The following SGSM1 variants were observed in gnomAD, a reference collection of about 807,000 sequenced individuals.
SGSM1 encodes small G protein signaling modulator 1, also known as RUN and TBC1 domain containing 2.
In SGSM1, 73 loss-of-function variants were observed where a neutral mutation model predicts 133.8. The observed-to-expected ratio is 0.55, with a 90% CI of 0.45 to 0.66. The LOEUF (loss-of-function observed/expected upper bound fraction) is 0.66. SGSM1 is among the 30% of genes least tolerant of loss of function. SGSM1 has a pLI of 0.00. For missense variants in SGSM1, 1,213 were observed against 1,448.1 expected, an observed-to-expected ratio of 0.84 and a Z score of 2.64; for synonymous variants, 563 against 573.0, an observed-to-expected ratio of 0.98 and a Z score of 0.25.
At chr22:24,824,597 C>T (rs1393991831) in intron 2 of SGSM1, among the ~76,000 whole-genome samples, 1 of 94,528 alleles carries the variant, frequency 1.1e-5, no homozygotes, top group African/African-American at 3.7e-5. Context: ...GCTGTTTCTC[C>T]CTGATACAAT....
intron 9 of SGSM1, among the ~76,000 whole-genome samples, chr22:24,861,748 G>C (rs906127939): frequency 5.3e-5 from 8 of 151,502 alleles, no homozygotes; most frequent in African/African-American, 1.7e-4. Context: ...GGGTTTCATC[G>C]TGTTGGCCAG....
At chr22:24,857,021 G>A (rs1391691042) in intron 8 of SGSM1, among the ~76,000 whole-genome samples, 1 of 151,892 alleles carries the variant, frequency 6.6e-6, no homozygotes, top group East Asian at 1.9e-4. Flanking sequence ...GCCCGCTTTG[G>A]CCTCCCAAAG....
At chr22:24,895,102 A>G (rs903104987) in intron 17 of SGSM1, 121 bp from the exon 18 acceptor site, 23 of 917,998 alleles carry the variant, frequency 2.5e-5, no homozygotes, top group East Asian at 2.4e-4. Context: ...CTGAGAGAGG[A>G]CTTGTGCAAG....
rs559936228 is a variant in SGSM1 at position 24,898,020 on chromosome 22, T to C, written c.2071T>C (p.Leu691=). The C allele has an allele frequency of 1.9e-6, 3 of 1,612,620 alleles. No individual in the cohort carries two copies. The highest frequency in any genetic ancestry group is 1.7e-6 in the Non-Finnish European group (2 of 1,179,342). ...EVEQVEAEGR[L]EEKQPKIPNG... ...GGAGCAGGTGGAGGCTGAAGGCAGA[T>C]TGGAGGAGAAACAGCCCAAGATCCC... Residue 691 remains leucine, a synonymous_variant, in exon 19 of 25, where the codon TTG becomes CTG. Coordinates refer to ENST00000400358, the MANE Select transcript of SGSM1 (RefSeq NM_001098497.3).
chr22:24,850,058 G>A (rs1930367244), intron 4 of SGSM1, among the ~76,000 whole-genome samples: 1 of 152,090 alleles, frequency 6.6e-6, no homozygotes, highest in African/African-American at 2.4e-5. Flanking sequence ...TGAGAATCTG[G>A]CTTGCCCTAG....
At chr22:24,874,365 C>T (rs776235172) in intron 12 of SGSM1, 75 of 1,551,376 alleles carry the variant, frequency 4.8e-5, no homozygotes, top group Non-Finnish European at 4.7e-5. Context: ...CAGTGTCCTG[C>T]CCACCGCAGA....
chr22:24,917,521 T>C, intron 22 of SGSM1, 137 bp from the exon 23 acceptor site: 1 of 571,282 alleles, frequency 1.8e-6, no homozygotes, highest in Non-Finnish European at 3.1e-6. Context: ...TTCAGATCTT[T>C]TCCCATTTTT....
chr22:24,914,199 A>G (rs1470507853), intron 22 of SGSM1, among the ~76,000 whole-genome samples: 1 of 151,232 alleles, frequency 6.6e-6, no homozygotes, highest in Non-Finnish European at 1.5e-5. Context: ...AGGCTGAGGC[A>G]GGAGAATGGT....
At chr22:24,838,790 T>C (rs1929623439) in intron 2 of SGSM1, among the ~76,000 whole-genome samples, 1 of 152,214 alleles carries the variant, frequency 6.6e-6, no homozygotes, top group East Asian at 1.9e-4. Context: ...TATAAGTTTT[T>C]AAATCAGGAA....
At chr22:24,837,845 CATAATATTG>C (rs1929554337) in intron 2 of SGSM1, among the ~76,000 whole-genome samples, 1 of 152,156 alleles carries the variant, frequency 6.6e-6, no homozygotes, top group African/African-American at 2.4e-5. Flanking sequence ...TGAGGATTAT[CATAATATTG>C]GAATAAAAAG....
At chr22:24,838,328 G>A (rs1279808513) in intron 2 of SGSM1, among the ~76,000 whole-genome samples, 2 of 152,218 alleles carry the variant, frequency 1.3e-5, no homozygotes, top group Admixed American at 1.3e-4. Flanking sequence ...AGGGAGCTCA[G>A]TCTCAAATCC....
chr22:24,912,323 G>C (rs1485984020), intron 21 of SGSM1, among the ~76,000 whole-genome samples: 1 of 152,170 alleles, frequency 6.6e-6, no homozygotes, highest in East Asian at 1.9e-4. Flanking sequence ...ACCACGTGTG[G>C]GGTGCATGAG....
chr22:24,842,629 A>G (rs1929871703), intron 2 of SGSM1, among the ~76,000 whole-genome samples: 1 of 152,172 alleles, frequency 6.6e-6, no homozygotes. Flanking sequence ...AGGGAAAACA[A>G]GTACTGACCA....
Position 24,868,435 on chromosome 22 carries a change from C to A in SGSM1, c.1054C>A (p.Arg352Ser), listed in dbSNP as rs768962451. 1 of 1,613,894 alleles carries A rather than the reference C, an allele frequency of 6.2e-7. No homozygotes were observed. The highest frequency in any genetic ancestry group is 1.3e-5 in the African/African-American group (1 of 75,040). Residue 352 changes from arginine (R) to serine (S), a missense_variant, in exon 11 of 25, where the codon CGC becomes AGC. Arg to Ser is a moderately radical substitution (Grantham distance 110). Coordinates refer to ENST00000400358, the MANE Select transcript of SGSM1 (RefSeq NM_001098497.3). Reference protein sequence around the residue: ...SQDGIQRPPFRFPKGGHLLQF... With the variant: ...SQDGIQRPPFSFPKGGHLLQF... ...GGACGGGATCCAGAGGCCGCCCTTC[C>A]GCTTCCCCAAGGGCGGGCACCTCCT...
intron 16 of SGSM1, among the ~76,000 whole-genome samples, chr22:24,887,857 G>A (rs1932705574): frequency 6.6e-6 from 1 of 152,220 alleles, no homozygotes; most frequent in Non-Finnish European, 1.5e-5. Flanking sequence ...ATCTTCACCA[G>A]AGTTTTGTCT....
At chr22:24,883,996 A>G (rs1028220873) in intron 14 of SGSM1, 57 bp from the exon 15 acceptor site, 2 of 1,501,794 alleles carry the variant, frequency 1.3e-6, no homozygotes, top group Non-Finnish European at 1.8e-6. Flanking sequence ...GTCCCATGAG[A>G]CAAGGTGAGG....
At chr22:24,919,214 AT>A (rs200163067) in intron 23 of SGSM1, among the ~76,000 whole-genome samples, 4,417 of 150,086 alleles carry the variant, frequency 0.029, 200 homozygotes, top group African/African-American at 0.1. Context: ...TGCCTGACTA[AT>A]TTTTTTTGTA....
chr22:24,811,819 T>C (rs576865855), intron 2 of SGSM1, among the ~76,000 whole-genome samples: 1 of 146,864 alleles, frequency 6.8e-6, no homozygotes, highest in Non-Finnish European at 1.5e-5. Context: ...CAGTGAGCTG[T>C]GATCGCATCA....
At chr22:24,814,655 G>T (rs1319747946) in intron 2 of SGSM1, among the ~76,000 whole-genome samples, 1 of 152,168 alleles carries the variant, frequency 6.6e-6, no homozygotes, top group African/African-American at 2.4e-5. Context: ...TCACCCTTTT[G>T]GGAGTAAGAT....
Sources: gnomAD v4.1 joint callset for allele counts (sites outside exome capture counted in the v4.1 genomes callset) on GRCh38, gnomAD v4.1.1 for gene constraint, MANE v1.5 for transcripts, NCBI Gene and HGNC (gene_info 2026-07-23, HGNC 2026-07-21) for gene names.